Variants in FAM149A observed in about 807,000 individuals in gnomAD.
The protein encoded by FAM149A is family with sequence similarity 149 member A, also known as protein FAM149A.
Under a neutral mutation model 78.2 loss-of-function variants are expected in FAM149A, and 71 were observed. The ratio of observed to expected loss-of-function variants is 0.91; its 90% CI spans 0.75 to 1.11. The LOEUF is 1.11. Among genes scored for constraint, FAM149A ranks in the 50% least tolerant of loss-of-function variants. The pLI is 0.00. For synonymous variants in FAM149A, 446 were observed against 410.5 expected, an observed-to-expected ratio of 1.09 and a Z score of -1.04; for missense variants, 1,036 against 971.0, an observed-to-expected ratio of 1.07 and a Z score of -0.89.
Position 186,105,032 on chromosome 4 carries a change from T to G in FAM149A, c.-45T>G. 7.9e-7 allele frequency: 1 copy of G among 1,260,428 alleles called. No homozygotes were observed. The highest frequency in any genetic ancestry group is 1.0e-6 in the Non-Finnish European group (1 of 976,632). The allele number at this position is 1,260,428 out of a possible 1,614,324, so 78.1% of individuals were successfully genotyped here. On this transcript the variant is annotated 5_prime_UTR_variant, in exon 1 of 14. Coordinates refer to ENST00000389354, the MANE Select transcript of FAM149A (RefSeq NM_001367768.3). Reference sequence around the variant, plus strand: ...CCGCCTCGGCCGGATCTCCGCGGTCTGAACTCTCGGGCGGCGGCGAGGACG... The same window carrying G: ...CCGCCTCGGCCGGATCTCCGCGGTCGGAACTCTCGGGCGGCGGCGAGGACG...
chr4:186,108,887 G>A (rs574882144), intron 1 of FAM149A, among the ~76,000 whole-genome samples: 7 of 145,372 alleles, frequency 4.8e-5, no homozygotes, highest in South Asian at 4.3e-4. Flanking sequence ...TTGCTCTGTC[G>A]CCCAGGCTGG....
intron 1 of FAM149A, among the ~76,000 whole-genome samples, chr4:186,106,173 G>A (rs2099308684): frequency 6.6e-6 from 1 of 152,116 alleles, no homozygotes; most frequent in South Asian, 2.1e-4. Context: ...CACAAATGGA[G>A]TTGTAATGGC....
At position 186,164,358 on chromosome 4, in the gene FAM149A, C is replaced by G. The variant is rs561813089; in HGVS notation, c.1889+725C>G. The G allele has an allele frequency of 7.8e-6, 4 of 514,252 alleles. No individual in the cohort carries two copies. Among genetic ancestry groups the G allele is most frequent in the Non-Finnish European group, 1.0e-5 (4 of 399,500 alleles). 31.9% of individuals were successfully genotyped at this position (514,252 alleles called of 1,614,324 possible). On this transcript the variant is annotated intron_variant, in intron 10 of 13. Transcript: ENST00000389354. The surrounding 1 kb of genome is among the most constrained non-coding windows in gnomAD (Gnocchi z 4.0). ...CATCCCCGCCAGGAAGAGGCCCAGC[C>G]GGACACACCCACAAGTGCTCTCAGG...
intron 13 of FAM149A, among the ~76,000 whole-genome samples, chr4:186,170,444 C>G (rs1224531300): frequency 1.3e-5 from 2 of 152,248 alleles, no homozygotes; most frequent in African/African-American, 4.8e-5. Flanking sequence ...CATGAGCCTA[C>G]TTAAGGTCAA....
At chr4:186,167,517 A>G in intron 13 of FAM149A, 1 of 364,482 alleles carries the variant, frequency 2.7e-6, no homozygotes, top group Non-Finnish European at 5.0e-6. Flanking sequence ...CACTCAAAAA[A>G]AAAAAAAAAA....
At chr4:186,110,545 TC>T (rs1195033692) in intron 1 of FAM149A, among the ~76,000 whole-genome samples, 57 of 89,382 alleles carry the variant, frequency 6.4e-4, no homozygotes, top group East Asian at 5.5e-3. Flanking sequence ...CCCTCCCCCC[TC>T]CCCCAACCCC....
Position 186,156,175 on chromosome 4 carries a change from G to A in FAM149A, c.1405G>A (p.Glu469Lys), listed in dbSNP as rs1325008816. 1.2e-6 allele frequency: 2 copies of A among 1,612,196 alleles called. No individual in the cohort carries two copies. Among genetic ancestry groups the A allele is most frequent in the Non-Finnish European group, 1.7e-6 (2 of 1,179,306 alleles). ...GGAAGAGCTGATTAGAAAACACTGG[G>A]AAACTACACTCACAGGTACTTACAT... Residue 469 changes from glutamate to lysine, a missense_variant, in exon 7 of 14, where the codon GAA (glutamate) becomes AAA (lysine). This residue lies in a region of FAM149A where 716 missense variants were observed against 711.8 expected (regional missense o/e 1.01). Coordinates refer to ENST00000389354, the MANE Select transcript of FAM149A (RefSeq NM_001367768.3).
At chr4:186,140,501 T>C (rs556996089) in intron 1 of FAM149A, among the ~76,000 whole-genome samples, 1 of 147,440 alleles carries the variant, frequency 6.8e-6, no homozygotes, top group Non-Finnish European at 1.5e-5. Flanking sequence ...CCCAGGCTTG[T>C]TCTGAACTCC....
chr4:186,133,427 G>A (rs1438388999), intron 1 of FAM149A, among the ~76,000 whole-genome samples: 1 of 152,052 alleles, frequency 6.6e-6, no homozygotes, highest in Non-Finnish European at 1.5e-5. Context: ...CTACTTTAGG[G>A]ACCTTATATA....
At chr4:186,109,982 T>C in intron 1 of FAM149A, 1 of 985,448 alleles carries the variant, frequency 1.0e-6, no homozygotes, top group Non-Finnish European at 1.2e-6. Flanking sequence ...AAACTTTTAA[T>C]CTGCAGAATA....
In FAM149A at chr4:186,162,964, A is replaced by G. The variant is rs1182350227; in HGVS notation, c.1679+16A>G. The stretch of plus-strand genomic sequence containing the variant: ...ACAGAACGCAGTACGTATCAGAATC[A>G]GTAGTAGTTACCCAGCCTCTTCCCT... On this transcript the variant is annotated intron_variant, in intron 9 of 13. Transcript: ENST00000389354. 2 of 1,436,306 alleles carry G rather than the reference A, an allele frequency of 1.4e-6. No homozygotes were observed. Among genetic ancestry groups the G allele is most frequent in the African/African-American group, 1.4e-5 (1 of 70,988 alleles). 89.0% of individuals were successfully genotyped at this position (1,436,306 alleles called of 1,614,324 possible).
rs1354324443 is a variant in FAM149A at position 186,149,184 on chromosome 4, C to T, written c.578C>T (p.Ser193Leu). ...TATTTTATTTCCAGAAGAGGACTGT[C>T]AGAAGGACGTAGAAGGCACGGTTTT... The change falls in exon 2 of 14, where the codon TCA becomes TTA. Residue 193 changes from serine (S) to leucine (L), a missense_variant. Coordinates refer to ENST00000389354, the MANE Select transcript of FAM149A (RefSeq NM_001367768.3). 2 of 1,286,542 alleles carry T rather than the reference C, an allele frequency of 1.6e-6. No individual in the cohort carries two copies. Among genetic ancestry groups the T allele is most frequent in the Non-Finnish European group, 1.0e-6 (1 of 987,860 alleles). The allele number at this position is 1,286,542 out of a possible 1,614,324, so 79.7% of individuals were successfully genotyped here.
At chr4:186,163,064 A>C in intron 9 of FAM149A, 116 bp downstream of exon 9, 1 of 691,806 alleles carries the variant, frequency 1.4e-6, no homozygotes, top group Non-Finnish European at 2.6e-6. Flanking sequence ...CCCGTGCTTC[A>C]GATGTGCCTG....
At chr4:186,145,087 A>C in intron 1 of FAM149A, 12 of 985,342 alleles carry the variant, frequency 1.2e-5, no homozygotes, top group Non-Finnish European at 1.4e-5. Context: ...GGCTGCGAGC[A>C]CAGGCCCGGG....
intron 1 of FAM149A, among the ~76,000 whole-genome samples, chr4:186,139,305 T>G (rs988573047): frequency 3.3e-5 from 5 of 152,200 alleles, no homozygotes; most frequent in African/African-American, 1.2e-4. Context: ...GTCCCTCTAT[T>G]GGAGAATAGT....
At chr4:186,157,929 G>A in intron 8 of FAM149A, 1 of 1,530,778 alleles carries the variant, frequency 6.5e-7, no homozygotes, top group Non-Finnish European at 8.7e-7. Context: ...GCCTATGAAG[G>A]ACGAGGATGT....
chr4:186,118,195 A>C, intron 1 of FAM149A: 1 of 985,444 alleles, frequency 1.0e-6, no homozygotes, highest in Non-Finnish European at 1.2e-6. Flanking sequence ...AGATGACATC[A>C]CACACCACGC....
At chr4:186,150,413 CTTTTTTTTTT>C (rs750482571) in intron 3 of FAM149A, among the ~76,000 whole-genome samples, 1 of 84,288 alleles carries the variant, frequency 1.2e-5, no homozygotes, top group Non-Finnish European at 2.1e-5. Context: ...CTCTCTGTCT[CTTTTTTTTTT>C]TTTTTTTTTT....
At chr4:186,129,211 CTA>C (rs535153313) in intron 1 of FAM149A, among the ~76,000 whole-genome samples, 30 of 151,574 alleles carry the variant, frequency 2.0e-4, no homozygotes, top group South Asian at 8.4e-4. Context: ...GTGTGTGTGT[CTA>C]TGTGTGTGTG....
Sources: allele counts gnomAD v4.1 joint callset (sites outside exome capture counted in the v4.1 genomes callset), GRCh38; gene constraint gnomAD v4.1.1; regional missense constraint gnomAD v4.1.1; non-coding constraint Gnocchi (gnomAD v3.1); transcripts MANE v1.5; gene names NCBI Gene and HGNC (gene_info 2026-07-23, HGNC 2026-07-21).